Variants in GYS2 observed in about 807,000 individuals in gnomAD.
GYS2 encodes the protein glycogen [starch] synthase, liver.
A neutral mutation model predicts 85.6 loss-of-function variants in GYS2; 80 were observed. The observed-to-expected ratio is 0.93, with a 90% CI of 0.78 to 1.13. The LOEUF is 1.13. GYS2 is among the 50% of genes most tolerant of loss of function. GYS2 has a pLI of 0.00. For missense variants in GYS2, 881 were observed against 854.9 expected (o/e 1.03, Z -0.38); for synonymous variants, 328 against 300.7 (o/e 1.09, Z -0.94).
chr12:21,580,366 G>T lies in GYS2; in HGVS notation c.279C>A (p.Asp93Glu). 5 of 1,613,558 alleles carry T rather than the reference G, an allele frequency of 3.1e-6. No individual in the cohort carries two copies. In the South Asian group the frequency reaches 4.4e-5, roughly 14 times the overall value. ...PVNDAVRRAVDAMNKHGCQVH... is the reference protein window; with the variant it reads ...PVNDAVRRAVEAMNKHGCQVH... The stretch of plus-strand genomic sequence containing the variant: ...CCTGGCAGCCATGCTTATTCATTGC[G>T]TCCACTGCTCTTCTGACAGCATCAT... The change falls in exon 2 of 16, where the codon GAC becomes GAA. Residue 93 changes from aspartate (D) to glutamate (E), a missense_variant. Coordinates refer to ENST00000261195, the MANE Select transcript of GYS2 (RefSeq NM_021957.4).
At chr12:21,570,280 A>T (rs997005579) in intron 4 of GYS2, among the ~76,000 whole-genome samples, 3 of 152,236 alleles carry the variant, frequency 2.0e-5, no homozygotes, top group Non-Finnish European at 4.4e-5. Flanking sequence ...CAAATCTCTC[A>T]TTTAATCAAC....
chr12:21,548,649 C>G (rs988776323), intron 11 of GYS2, among the ~76,000 whole-genome samples: 5 of 152,076 alleles, frequency 3.3e-5, no homozygotes, highest in Non-Finnish European at 7.4e-5. Flanking sequence ...TGGGCCCACA[C>G]TGGAAACGCA....
chr12:21,557,716 G>A (rs1944198126), intron 11 of GYS2, among the ~76,000 whole-genome samples: 1 of 152,102 alleles, frequency 6.6e-6, no homozygotes. Flanking sequence ...TGGCTTACAT[G>A]GTGAAACCCC....
intron 12 of GYS2, 59 bp downstream of exon 12, chr12:21,546,285 A>G: frequency 8.6e-7 from 1 of 1,167,374 alleles, no homozygotes; most frequent in Non-Finnish European, 1.3e-6. Flanking sequence ...ATATATATGC[A>G]CATAAAATAA....
At chr12:21,560,513 A>G (rs1200769449) in intron 7 of GYS2, 21 bp from the exon 8 acceptor site, 1 of 1,076,996 alleles carries the variant, frequency 9.3e-7, no homozygotes, top group Admixed American at 1.7e-5. Flanking sequence ...ATTAGAAAAC[A>G]CAGAGTCAAC....
intron 5 of GYS2, among the ~76,000 whole-genome samples, chr12:21,565,286 C>A (rs1944304516): frequency 6.7e-6 from 1 of 150,202 alleles, no homozygotes; most frequent in Non-Finnish European, 1.5e-5. Flanking sequence ...TTGCCTTTCT[C>A]CAAGGTGTAA....
intron 3 of GYS2, among the ~76,000 whole-genome samples, chr12:21,574,771 T>C (rs1007726524): frequency 8.6e-5 from 13 of 152,044 alleles, no homozygotes; most frequent in African/African-American, 2.9e-4. Flanking sequence ...ACTAGACTTG[T>C]GTTTATTTAT....
At chr12:21,563,747 G>A (rs567172707) in intron 5 of GYS2, among the ~76,000 whole-genome samples, 9 of 152,260 alleles carry the variant, frequency 5.9e-5, no homozygotes, top group African/African-American at 1.9e-4. Flanking sequence ...TGCATTTTCA[G>A]AGGTGGAAAC....
intron 9 of GYS2, 67 bp downstream of exon 9, chr12:21,559,584 T>A (rs948084789): frequency 1.1e-6 from 1 of 882,420 alleles, no homozygotes; most frequent in African/African-American, 1.6e-5. Context: ...AGTTATGATG[T>A]CTAAATTGTT....
intron 8 of GYS2, 137 bp downstream of exon 8, chr12:21,560,249 A>G: frequency 1.5e-6 from 1 of 674,442 alleles, no homozygotes; most frequent in South Asian, 1.7e-5. Context: ...AGCACGATGA[A>G]AAGAGAGTCA....
chr12:21,561,811 C>T (rs925088653), intron 7 of GYS2, among the ~76,000 whole-genome samples: 15 of 152,164 alleles, frequency 9.9e-5, no homozygotes, highest in Admixed American at 7.2e-4. Context: ...ATTAATAAAT[C>T]GCTTGTTTAT....
chr12:21,568,028 C>A (rs1378247281), intron 5 of GYS2, among the ~76,000 whole-genome samples: 2 of 151,506 alleles, frequency 1.3e-5, no homozygotes, highest in African/African-American at 2.4e-5. Context: ...GCTGAGATCA[C>A]GCCACTGCAC....
rs1943912860 is a variant in GYS2, at chr12:21,536,592, G to A, written c.*362C>T. On this transcript the variant is annotated 3_prime_UTR_variant, in exon 16 of 16. Transcript: ENST00000261195. ...GGAAATGGGAAATTTGTGTGGTGGG[G>A]TAGAGAAGCTGCATAAATAGTAAGC... 1 of 263,206 alleles carries A rather than the reference G, an allele frequency of 3.8e-6. No individual in the cohort carries two copies. Among genetic ancestry groups the A allele is most frequent in the East Asian group, 1.1e-4 (1 of 9,522 alleles). 16.3% of individuals were successfully genotyped at this position (263,206 alleles called of 1,614,324 possible).
chr12:21,575,490 A>G (rs151222925), intron 3 of GYS2, among the ~76,000 whole-genome samples: 1 of 152,186 alleles, frequency 6.6e-6, no homozygotes, highest in African/African-American at 2.4e-5. Context: ...TGTAGTGTAC[A>G]TCAGGATCAC....
intron 14 of GYS2, 25 bp downstream of exon 14, chr12:21,540,385 G>T (rs762552635): frequency 1.9e-6 from 3 of 1,600,708 alleles, no homozygotes; most frequent in Middle Eastern, 1.7e-4. Context: ...TAAGTGGTCT[G>T]CTGTGTTTAT....
At chr12:21,542,174 A>G (rs1246039993) in intron 13 of GYS2, among the ~76,000 whole-genome samples, 2 of 151,796 alleles carry the variant, frequency 1.3e-5, no homozygotes, top group Admixed American at 1.3e-4. Flanking sequence ...CAGCCTCTGG[A>G]GTAGCTGGAA....
Position 21,551,001 on chromosome 12 carries a change from CTTTT to C in GYS2, c.1423-4535_1423-4532del, listed in dbSNP as rs71452232. 2.4e-3 allele frequency among the ~76,000 whole-genome samples: 339 copies of C among 142,792 alleles called. 2 individuals carry two copies. Among genetic ancestry groups the C allele is most frequent in the South Asian group, 0.018 (83 of 4,612 alleles). The allele number at this position is 142,792 out of a possible 152,430, so 93.7% of individuals were successfully genotyped here. A position where few individuals can be genotyped will look rare whatever the true frequency, so the allele number is the denominator to read the frequency against. ...TTTTACACAAGCACTCTACACTTTT[CTTTT>C]TTTTTTAATTTTTTTTTATTATACT... On this transcript the variant is annotated intron_variant, in intron 11 of 15. Coordinates refer to ENST00000261195, the MANE Select transcript of GYS2 (RefSeq NM_021957.4).
At chr12:21,589,014 A>C (rs1362176532) in intron 1 of GYS2, among the ~76,000 whole-genome samples, 1 of 152,148 alleles carries the variant, frequency 6.6e-6, no homozygotes, top group African/African-American at 2.4e-5. Flanking sequence ...CTGTAGACTT[A>C]TTTTCTTCAT....
intron 2 of GYS2, among the ~76,000 whole-genome samples, chr12:21,578,568 G>A (rs960207400): frequency 5.3e-5 from 8 of 152,148 alleles, no homozygotes; most frequent in Middle Eastern, 6.8e-3. Context: ...CTTCTTTCTT[G>A]AACTTCCCTA....
Sources: gnomAD v4.1 joint callset for allele counts (sites outside exome capture counted in the v4.1 genomes callset) on GRCh38, gnomAD v4.1.1 for gene constraint, MANE v1.5 for transcripts, NCBI Gene and HGNC (gene_info 2026-07-23, HGNC 2026-07-21) for gene names.